The following TGM6 variants were observed in gnomAD, a reference collection of about 807,000 sequenced individuals.
The protein encoded by TGM6 is transglutaminase 6.
In TGM6, 74 loss-of-function variants were observed where a neutral mutation model predicts 77.5. The ratio of observed to expected loss-of-function variants is 0.96; its 90% CI spans 0.79 to 1.16. TGM6 has a LOEUF of 1.16. Ranked by LOEUF, TGM6 falls within the 50% of genes most tolerant of loss-of-function variation. The pLI, the probability that TGM6 is intolerant of heterozygous loss-of-function variation, is 0.00. For missense variants in TGM6, 968 were observed against 940.2 expected (o/e 1.03, Z -0.39); for synonymous variants, 383 against 378.9 (o/e 1.01, Z -0.12).
chr20:2,416,001 G>A (rs74684053), intron 9 of TGM6, among the ~76,000 whole-genome samples: 4 of 152,056 alleles, frequency 2.6e-5, no homozygotes, highest in Admixed American at 6.5e-5. Context: ...TTCCCTCTAG[G>A]GGGGGCTGCT....
At chr20:2,414,999 C>T (rs2084806245) in intron 9 of TGM6, among the ~76,000 whole-genome samples, 1 of 151,018 alleles carries the variant, frequency 6.6e-6, no homozygotes, top group South Asian at 2.1e-4. Context: ...ATTCTGTGAA[C>T]TACTAAGAAA....
rs2084907334 is a variant in TGM6, at chr20:2,429,104, C to T, written c.1679-1342C>T. 2.6e-5 allele frequency among the ~76,000 whole-genome samples: 4 copies of T among 152,138 alleles called. No homozygotes were observed. The South Asian group carries it at 6.2e-4, about 24-fold the overall frequency. On this transcript the variant is annotated intron_variant, in intron 10 of 12. Transcript: ENST00000202625. The stretch of plus-strand genomic sequence containing the variant: ...CCTCCCAAAGTGCTGGGATTACAGG[C>T]GTGAGCCACGGCACCCGGCCTATAA...
intron 9 of TGM6, among the ~76,000 whole-genome samples, chr20:2,415,611 G>A (rs542588995): frequency 1.1e-4 from 17 of 152,136 alleles, no homozygotes; most frequent in Non-Finnish European, 1.8e-4. Flanking sequence ...TGAGAGAAGA[G>A]GACAGATTCC....
At chr20:2,403,375 A>T in intron 7 of TGM6, 22 bp from the exon 8 acceptor site, 1 of 1,613,526 alleles carries the variant, frequency 6.2e-7, no homozygotes, top group Non-Finnish European at 8.5e-7. Context: ...AGGCAGCTTC[A>T]CCCATCCTCT....
chr20:2,396,892 T>C lies in TGM6; in HGVS notation c.543+268T>C, dbSNP rs6036350. Among the ~76,000 whole-genome samples the C allele has an allele frequency of 0.085, 13,001 of 152,094 alleles. 743 individuals are homozygous for C. The highest frequency in any genetic ancestry group is 0.25 in the East Asian group (1,290 of 5,144). On this transcript the variant is annotated intron_variant, in intron 4 of 12. Transcript: ENST00000202625. ...AATGAATAGCTCTGATCAGTGGTTT[T>C]CAAACACGAGCGTACATCAGAATCC...
intron 12 of TGM6, among the ~76,000 whole-genome samples, chr20:2,431,463 A>G (rs560217663): frequency 6.6e-6 from 1 of 152,220 alleles, no homozygotes; most frequent in Admixed American, 6.5e-5. Context: ...TTACTTATTC[A>G]TTGTCAATCA....
In TGM6 at chr20:2,396,642, C is replaced by T. The variant is rs1338508788; in HGVS notation, c.543+18C>T. Reference sequence around the variant, plus strand: ...ACGGGCAGGTCTCCAGGGGCACAGGCCAGACAAGGATGTGGGCTGGGGCAT... The same window carrying T: ...ACGGGCAGGTCTCCAGGGGCACAGGTCAGACAAGGATGTGGGCTGGGGCAT... On this transcript the variant is annotated intron_variant, in intron 4 of 12. Coordinates refer to ENST00000202625, the MANE Select transcript of TGM6 (RefSeq NM_198994.3). 2 of 1,612,100 alleles carry T rather than the reference C, an allele frequency of 1.2e-6. No homozygotes were observed. Among genetic ancestry groups the T allele is most frequent in the African/African-American group, 1.3e-5 (1 of 74,986 alleles).
chr20:2,417,167 A>G (rs2084821626), intron 9 of TGM6, 65 bp from the exon 10 acceptor site: 1 of 1,479,232 alleles, frequency 6.8e-7, no homozygotes, highest in Non-Finnish European at 9.2e-7. Flanking sequence ...TTTGACTTCC[A>G]TGAGCCATAG....
At chr20:2,402,841 C>T (rs1427841147) in intron 7 of TGM6, among the ~76,000 whole-genome samples, 1 of 152,216 alleles carries the variant, frequency 6.6e-6, no homozygotes, top group Admixed American at 6.5e-5. Flanking sequence ...CCCAGAGATA[C>T]TTAAATACTT....
intron 9 of TGM6, among the ~76,000 whole-genome samples, chr20:2,404,642 T>TG (rs2084737764): frequency 9.2e-6 from 1 of 108,946 alleles, no homozygotes; most frequent in Non-Finnish European, 2.4e-5. Context: ...CTGGTTGCAC[T>TG]TTTTTTTTTT....
chr20:2,405,093 A>C (rs1209352909), intron 9 of TGM6, among the ~76,000 whole-genome samples: 1 of 152,204 alleles, frequency 6.6e-6, no homozygotes, highest in Admixed American at 6.5e-5. Flanking sequence ...GGGATCTCAC[A>C]TATGTCTGTC....
At chr20:2,416,629 C>T (rs1052532294) in intron 9 of TGM6, among the ~76,000 whole-genome samples, 2 of 152,190 alleles carry the variant, frequency 1.3e-5, no homozygotes, top group African/African-American at 2.4e-5. Context: ...GTTGCCATAG[C>T]ACTGGTGGGC....
At position 2,417,524 on chromosome 20, in the gene TGM6, G is replaced by A; in HGVS notation, c.1629G>A (p.Val543=). The A allele has an allele frequency of 3.1e-6, 5 of 1,606,898 alleles. No homozygotes were observed. The South Asian group carries it at 4.4e-5, about 14-fold the overall frequency. The change falls in exon 10 of 13, where the codon GTG becomes GTA. Residue 543 remains valine, a synonymous_variant. Transcript: ENST00000202625. The stretch of plus-strand genomic sequence containing the variant: ...CCATCCTCTATACCCGCAAGCCAGT[G>A]GCAGAGATCCTGCATGAATCCCACG... The part of the protein sequence containing the change: ...GATILYTRKP[V]AEILHESHAV...
chr20:2,419,919 AT>A (rs2122416376), intron 10 of TGM6, among the ~76,000 whole-genome samples: 1 of 152,228 alleles, frequency 6.6e-6, no homozygotes, highest in African/African-American at 2.4e-5. Flanking sequence ...TTTCCTCTGG[AT>A]TTTGGACTTT....
In TGM6 at chr20:2,417,355, T is replaced by G; in HGVS notation, c.1460T>G (p.Leu487Arg). The G allele has an allele frequency of 6.2e-7, 1 of 1,613,938 alleles. No homozygotes were observed. ...CGCTGTCTCTGGCGTGACGACCTCC[T>G]GGAGCCTGCCACCAAGCCCAGCATC... ...GGRCLWRDDL[L>R]EPATKPSIAG... The change falls in exon 10 of 13, where the codon CTG (leucine) becomes CGG (arginine). Residue 487 changes from leucine to arginine, a missense_variant. Transcript: ENST00000202625.
chr20:2,386,183 A>G (rs1353048591), intron 1 of TGM6, among the ~76,000 whole-genome samples: 1 of 152,156 alleles, frequency 6.6e-6, no homozygotes, highest in Non-Finnish European at 1.5e-5. Context: ...TGGCTAGGAC[A>G]GAACGTATCT....
At chr20:2,393,171 C>T (rs914108959) in intron 1 of TGM6, among the ~76,000 whole-genome samples, 3 of 152,238 alleles carry the variant, frequency 2.0e-5, no homozygotes, top group African/African-American at 7.2e-5. Context: ...CTTTCTTGGC[C>T]ATTCACAGAC....
intron 4 of TGM6, among the ~76,000 whole-genome samples, 191 bp from the exon 5 acceptor site, chr20:2,397,727 T>A (rs2084678400): frequency 6.6e-6 from 1 of 152,118 alleles, no homozygotes; most frequent in Admixed American, 6.5e-5. Flanking sequence ...AGGCTGAGGT[T>A]CTGATTCCCC....
intron 1 of TGM6, among the ~76,000 whole-genome samples, chr20:2,391,628 T>C (rs1005254325): frequency 6.6e-6 from 1 of 152,098 alleles, no homozygotes; most frequent in African/African-American, 2.4e-5. Context: ...GAGCAGATGT[T>C]TGACAAGATG....
Sources: gnomAD v4.1 joint callset for allele counts (sites outside exome capture counted in the v4.1 genomes callset) on GRCh38, gnomAD v4.1.1 for gene constraint, MANE v1.5 for transcripts, NCBI Gene and HGNC (gene_info 2026-07-23, HGNC 2026-07-21) for gene names.